The following ADAM10 variants were observed in gnomAD, a reference collection of about 807,000 sequenced individuals.
ADAM10 encodes ADAM metallopeptidase domain 10.
A neutral mutation model predicts 90.1 loss-of-function variants in ADAM10; 17 were observed. The ratio of observed to expected loss-of-function variants is 0.19; its 90% CI spans 0.13 to 0.28. The LOEUF (loss-of-function observed/expected upper bound fraction) is 0.28. Ranked by LOEUF, ADAM10 falls within the 10% of genes least tolerant of loss-of-function variation. ADAM10 has a pLI of 1.00. For missense variants in ADAM10, 610 were observed against 914.3 expected (o/e 0.67, Z 4.29); for synonymous variants, 310 against 298.6 (o/e 1.04, Z -0.40).
At chr15:58,638,991 T>G (rs1896345301) in intron 8 of ADAM10, among the ~76,000 whole-genome samples, 1 of 152,186 alleles carries the variant, frequency 6.6e-6, no homozygotes, top group Admixed American at 6.5e-5. Context: ...TGAGAATATC[T>G]GAAGATTTAG....
intron 4 of ADAM10, among the ~76,000 whole-genome samples, chr15:58,667,485 C>G (rs1897104688): frequency 1.3e-5 from 2 of 152,108 alleles, no homozygotes; most frequent in African/African-American, 4.8e-5. Flanking sequence ...CATCCAAGGC[C>G]TTGGCTATGA....
intron 2 of ADAM10, among the ~76,000 whole-genome samples, chr15:58,710,605 T>C (rs538241354): frequency 1.3e-5 from 2 of 152,354 alleles, no homozygotes; most frequent in East Asian, 1.9e-4. Flanking sequence ...AAATGTACTT[T>C]AACTAACGTA....
Position 58,633,355 on chromosome 15 carries a change from G to A in ADAM10, c.1017C>T (p.Ser339=), listed in dbSNP as rs1175311282. The A allele has an allele frequency of 1.2e-6, 2 of 1,613,362 alleles. No individual in the cohort carries two copies. The highest frequency in any genetic ancestry group is 1.7e-5 in the Admixed American group (1 of 59,998). Residue 339 remains serine, a synonymous_variant, in exon 9 of 16, where the codon AGC becomes AGT. Transcript: ENST00000260408. The stretch of plus-strand genomic sequence containing the variant: ...TACTTTTTTCACATATTCCTCCAGA[G>A]CTTCCTAATCCAGAACAAAAAAATG... ...GLAWVGAPSG[S]SGGICEKSKL...
intron 8 of ADAM10, among the ~76,000 whole-genome samples, chr15:58,638,614 C>CAAA (rs60048171): frequency 9.0e-5 from 7 of 78,186 alleles, no homozygotes; most frequent in East Asian, 6.4e-4. Context: ...CACTCTGTCT[C>CAAA]AAAAAAAAAA....
chr15:58,745,717 ATACCCACAG>A (rs1899769596), intron 1 of ADAM10, among the ~76,000 whole-genome samples: 1 of 152,194 alleles, frequency 6.6e-6, no homozygotes. Context: ...TGGGAACAAC[ATACCCACAG>A]TACCCAAGCA....
At chr15:58,731,560 C>T (rs776104809) in intron 1 of ADAM10, among the ~76,000 whole-genome samples, 4 of 152,022 alleles carry the variant, frequency 2.6e-5, no homozygotes, top group South Asian at 2.1e-4. Context: ...CCCACGAAGT[C>T]GAGGCTGGGG....
chr15:58,735,598 G>C (rs1271741444), intron 1 of ADAM10, among the ~76,000 whole-genome samples: 4 of 152,006 alleles, frequency 2.6e-5, no homozygotes, highest in Non-Finnish European at 5.9e-5. Context: ...TATATAAATA[G>C]TTGTTGTACT....
intron 2 of ADAM10, chr15:58,692,561 C>A (rs751428412): frequency 1.8e-6 from 1 of 545,468 alleles, no homozygotes; most frequent in East Asian, 5.0e-5. Flanking sequence ...AAATAAACGG[C>A]GATAAGACAG....
chr15:58,740,478 C>T (rs575780249), intron 1 of ADAM10, among the ~76,000 whole-genome samples: 1 of 151,904 alleles, frequency 6.6e-6, no homozygotes, highest in Non-Finnish European at 1.5e-5. Context: ...ACAGGAATGA[C>T]ATGATTTCAT....
At chr15:58,627,261 G>A (rs1231140917) in intron 10 of ADAM10, among the ~76,000 whole-genome samples, 1 of 152,156 alleles carries the variant, frequency 6.6e-6, no homozygotes, top group East Asian at 1.9e-4. Context: ...CTCTGAGGGT[G>A]TGTTGGGACA....
At chr15:58,730,760 G>C (rs2140836921) in intron 1 of ADAM10, among the ~76,000 whole-genome samples, 1 of 152,284 alleles carries the variant, frequency 6.6e-6, no homozygotes, top group African/African-American at 2.4e-5. Context: ...GCTGACTGGG[G>C]AAGATCCACC....
chr15:58,605,143 C>G (rs1275408747), intron 14 of ADAM10, among the ~76,000 whole-genome samples: 1 of 152,128 alleles, frequency 6.6e-6, no homozygotes, highest in African/African-American at 2.4e-5. Context: ...CTGTAGAAAA[C>G]AAAGGTAAAA....
intron 1 of ADAM10, among the ~76,000 whole-genome samples, chr15:58,735,691 C>A (rs927261805): frequency 6.6e-6 from 1 of 152,004 alleles, no homozygotes; most frequent in African/African-American, 2.4e-5. Context: ...TTTTTTCATT[C>A]GTGGTTGGTT....
At chr15:58,709,211 C>G (rs1364629245) in intron 2 of ADAM10, among the ~76,000 whole-genome samples, 1 of 152,116 alleles carries the variant, frequency 6.6e-6, no homozygotes, top group South Asian at 2.1e-4. Context: ...GCCACAACAA[C>G]CTTATAAGGA....
At chr15:58,739,633 T>G (rs896759663) in intron 1 of ADAM10, among the ~76,000 whole-genome samples, 1 of 152,234 alleles carries the variant, frequency 6.6e-6, no homozygotes, top group African/African-American at 2.4e-5. Context: ...TCAGTGCCAA[T>G]CCATCTCCAA....
intron 1 of ADAM10, chr15:58,748,657 G>A (rs1183587469): frequency 1.2e-5 from 4 of 339,124 alleles, no homozygotes; most frequent in African/African-American, 4.2e-5. Flanking sequence ...TTCAAGTTGG[G>A]TCACCCAGGG....
At chr15:58,736,577 A>T (rs1255239427) in intron 1 of ADAM10, among the ~76,000 whole-genome samples, 1 of 152,178 alleles carries the variant, frequency 6.6e-6, no homozygotes. Flanking sequence ...TATTTAGAGT[A>T]CAACTTATTT....
intron 2 of ADAM10, chr15:58,692,466 CT>C: frequency 3.8e-6 from 2 of 524,568 alleles, no homozygotes; most frequent in Non-Finnish European, 7.7e-6. Context: ...CAGTCTTGGG[CT>C]TTTCTTTATC....
chr15:58,715,966 CAGTA>C (rs1437836285), intron 2 of ADAM10, among the ~76,000 whole-genome samples: 90 of 152,084 alleles, frequency 5.9e-4, no homozygotes, highest in Non-Finnish European at 1.5e-5. Context: ...TCATTAAAAA[CAGTA>C]AGACTAATGA....
Sources: allele counts gnomAD v4.1 joint callset (sites outside exome capture counted in the v4.1 genomes callset), GRCh38; gene constraint gnomAD v4.1.1; transcripts MANE v1.5; gene names NCBI Gene and HGNC (gene_info 2026-07-23, HGNC 2026-07-21).